Variants in CCDC3 observed in about 807,000 individuals in gnomAD.
CCDC3 encodes the protein coiled-coil domain containing 3.
CCDC3 carries 24 observed loss-of-function variants against 21.4 expected under a neutral mutation model. That is an observed-to-expected ratio of 1.12 (90% CI 0.81 to 1.58). The LOEUF is 1.58. Ranked by LOEUF, CCDC3 falls within the 40% of genes most tolerant of loss-of-function variation. CCDC3 has a pLI of 0.00. For synonymous variants in CCDC3, 186 were observed against 166.0 expected (o/e 1.12, Z -0.93); for missense variants, 425 against 360.9 (o/e 1.18, Z -1.44).
rs144057393 is a variant in CCDC3 at position 12,983,710 on chromosome 10, A to G, written c.549+14628T>C. On this transcript the variant is annotated intron_variant, in intron 2 of 2. Coordinates refer to ENST00000378825, the MANE Select transcript of CCDC3 (RefSeq NM_031455.4). Reference sequence around the variant, plus strand: ...GGGCAAAAGATATGAACATTTTACCAAAGAGGCCGGACAGATGGTAAATGT... The same window carrying G: ...GGGCAAAAGATATGAACATTTTACCGAAGAGGCCGGACAGATGGTAAATGT... 9.2e-5 allele frequency among the ~76,000 whole-genome samples: 14 copies of G among 152,176 alleles called. 1 individual carries two copies. Among genetic ancestry groups the G allele is most frequent in the African/African-American group, 3.4e-4 (14 of 41,520 alleles).
At chr10:12,999,702 A>T (rs1835817034) in intron 1 of CCDC3, among the ~76,000 whole-genome samples, 1 of 152,246 alleles carries the variant, frequency 6.6e-6, no homozygotes, top group African/African-American at 2.4e-5. Flanking sequence ...AGCACCACGG[A>T]ACTATTGGAC....
intron 2 of CCDC3, among the ~76,000 whole-genome samples, chr10:12,946,553 C>A (rs1834919243): frequency 6.6e-6 from 1 of 152,186 alleles, no homozygotes; most frequent in Non-Finnish European, 1.5e-5. Context: ...TACTTTGCTT[C>A]CTGTTCGGCC....
intron 5 of CCDC3, among the ~76,000 whole-genome samples, chr10:13,045,453 C>T (rs1024080880): frequency 4.0e-5 from 6 of 151,886 alleles, no homozygotes; most frequent in Non-Finnish European, 7.4e-5. Flanking sequence ...CAAAGTGAAA[C>T]CCTGTCTCTA....
chr10:13,074,128 A>AACATATATATAT, intron 3 of CCDC3: 1 of 103,294 alleles, frequency 9.7e-6, no homozygotes. Context: ...AGAGGAATCA[A>AACATATATATAT]ATATATATAT....
intron 2 of CCDC3, among the ~76,000 whole-genome samples, chr10:12,912,359 C>T (rs973446016): frequency 5.3e-5 from 8 of 152,118 alleles, no homozygotes; most frequent in Non-Finnish European, 1.0e-4. Context: ...TTTTAATTTG[C>T]GTGTCCCTGA....
chr10:12,986,607 C>T (rs868769929), intron 2 of CCDC3, among the ~76,000 whole-genome samples: 15 of 151,980 alleles, frequency 9.9e-5, no homozygotes, highest in South Asian at 4.2e-4. Context: ...ACCCCATCTC[C>T]ACTAAAAATA....
intron 5 of CCDC3, among the ~76,000 whole-genome samples, chr10:13,013,759 G>C (rs993909251): frequency 3.3e-5 from 5 of 152,090 alleles, no homozygotes; most frequent in African/African-American, 1.2e-4. Context: ...ACAAATTGAG[G>C]AACATTCTAC....
intron 2 of CCDC3, among the ~76,000 whole-genome samples, chr10:12,976,661 T>A (rs948355211): frequency 1.3e-5 from 2 of 152,230 alleles, no homozygotes; most frequent in Non-Finnish European, 2.9e-5. Context: ...CTGTCCAATA[T>A]GCAGAATAAT....
intron 4 of CCDC3, among the ~76,000 whole-genome samples, chr10:13,061,394 C>G (rs966308212): frequency 6.6e-5 from 10 of 152,188 alleles, no homozygotes; most frequent in Admixed American, 5.2e-4. Flanking sequence ...GACGCAGCCT[C>G]ATCTCAAAGG....
intron 3 of CCDC3, among the ~76,000 whole-genome samples, chr10:13,097,809 A>G (rs1308495408): frequency 2.6e-5 from 4 of 152,208 alleles, no homozygotes; most frequent in South Asian, 4.1e-4. Context: ...AATAAATGGG[A>G]TTTATATCAC....
chr10:12,965,589 G>A (rs893010321), intron 2 of CCDC3, among the ~76,000 whole-genome samples: 10 of 152,138 alleles, frequency 6.6e-5, no homozygotes, highest in African/African-American at 2.4e-4. Context: ...ACATAGAAAG[G>A]CAAATATATC....
intron 2 of CCDC3, among the ~76,000 whole-genome samples, chr10:12,970,576 A>T (rs1443316762): frequency 6.6e-6 from 1 of 152,164 alleles, no homozygotes; most frequent in Non-Finnish European, 1.5e-5. Context: ...TACTTAATTA[A>T]ATAAATTAAA....
intron 3 of CCDC3, among the ~76,000 whole-genome samples, chr10:13,080,193 A>AAG (rs150549896): frequency 1.1e-3 from 160 of 149,870 alleles, no homozygotes; most frequent in Middle Eastern, 3.4e-3. Flanking sequence ...CGGGATGGCA[A>AAG]AGAGAGAGAG....
In CCDC3 at chr10:13,001,675, A is replaced by C; in HGVS notation, c.-105T>G. ...CTCGGCTGCTCGGGCCGCTCCCGGG[A>C]GCTGAGCGCACCGCTGTCTCCGCCA... is the stretch of plus-strand genomic sequence containing the variant. On this transcript the variant is annotated 5_prime_UTR_variant, in exon 1 of 3. Coordinates refer to ENST00000378825, the MANE Select transcript of CCDC3 (RefSeq NM_031455.4). The C allele has an allele frequency of 1.3e-6, 1 of 755,532 alleles. No homozygotes were observed. Among genetic ancestry groups the C allele is most frequent in the Non-Finnish European group, 1.6e-6 (1 of 610,806 alleles). 46.8% of individuals were successfully genotyped at this position (755,532 alleles called of 1,614,324 possible).
chr10:13,061,718 A>G (rs937577924), intron 4 of CCDC3, among the ~76,000 whole-genome samples: 2 of 152,178 alleles, frequency 1.3e-5, no homozygotes, highest in African/African-American at 4.8e-5. Flanking sequence ...CTGGCTGCCA[A>G]TTGGTTGAGT....
At chr10:13,060,737 C>T (rs1836747038) in intron 4 of CCDC3, among the ~76,000 whole-genome samples, 2 of 152,244 alleles carry the variant, frequency 1.3e-5, no homozygotes, top group South Asian at 4.2e-4. Context: ...AACTCTTGGC[C>T]TCAAGCAGTC....
At chr10:13,052,542 G>A (rs1836620685) in intron 4 of CCDC3, among the ~76,000 whole-genome samples, 1 of 152,140 alleles carries the variant, frequency 6.6e-6, no homozygotes, top group African/African-American at 2.4e-5. Context: ...GCAAACACAA[G>A]GAGATCTGCT....
Position 12,908,802 on chromosome 10 carries a change from A to G in CCDC3, c.550-10123T>C, listed in dbSNP as rs12264177. Among the ~76,000 whole-genome samples, 109 of 152,172 alleles carry G rather than the reference A, an allele frequency of 7.2e-4. 1 individual carries two copies. The highest frequency in any genetic ancestry group is 2.6e-3 in the African/African-American group (108 of 41,546). ...GAGACAGGGTTTCACTGTGTTGGCCAGGCTGGTTTCAAACTCCTGACCTCG... is the reference window on the plus strand; with the variant it reads ...GAGACAGGGTTTCACTGTGTTGGCCGGGCTGGTTTCAAACTCCTGACCTCG... On this transcript the variant is annotated intron_variant, in intron 2 of 2. Coordinates refer to ENST00000378825, the MANE Select transcript of CCDC3 (RefSeq NM_031455.4).
At chr10:13,027,104 T>C (rs1836228453) in intron 5 of CCDC3, among the ~76,000 whole-genome samples, 1 of 152,188 alleles carries the variant, frequency 6.6e-6, no homozygotes, top group Non-Finnish European at 1.5e-5. Context: ...TCTGTGTCTG[T>C]CAAACTTGAA....
Sources: gnomAD v4.1 joint callset for allele counts (sites outside exome capture counted in the v4.1 genomes callset) on GRCh38, gnomAD v4.1.1 for gene constraint, MANE v1.5 for transcripts, NCBI Gene and HGNC (gene_info 2026-07-23, HGNC 2026-07-21) for gene names.